Variants in CLYBL observed in about 807,000 individuals in gnomAD.
CLYBL encodes the protein citramalyl-CoA lyase, mitochondrial.
A neutral mutation model predicts 38.9 loss-of-function variants in CLYBL; 31 were observed. That is an observed-to-expected ratio of 0.80 (90% CI 0.60 to 1.08). CLYBL has a LOEUF of 1.08. Among genes scored for constraint, CLYBL ranks in the 50% least tolerant of loss-of-function variants. The pLI is 0.00. For missense variants in CLYBL, 434 were observed against 411.6 expected, an observed-to-expected ratio of 1.05 and a Z score of -0.47; for synonymous variants, 171 against 158.6, an observed-to-expected ratio of 1.08 and a Z score of -0.59.
chr13:99,704,249 A>G (rs2048113097), intron 1 of CLYBL, among the ~76,000 whole-genome samples: 1 of 152,154 alleles, frequency 6.6e-6, no homozygotes, highest in Non-Finnish European at 1.5e-5. Context: ...TAAGGGAAAG[A>G]TTTATTTATA....
chr13:99,736,554 G>T lies in CLYBL; in HGVS notation c.63-36270G>T, dbSNP rs559445214. Among the ~76,000 whole-genome samples the T allele has an allele frequency of 5.6e-4, 85 of 151,974 alleles. 1 individual carries two copies. Among genetic ancestry groups the T allele is most frequent in the Non-Finnish European group, 1.0e-3 (69 of 67,966 alleles). On this transcript the variant is annotated intron_variant, in intron 1 of 8. Transcript: ENST00000339105. The stretch of plus-strand genomic sequence containing the variant: ...GGGAATCCTCTACCTGCATGAAATC[G>T]GCAGGTAAGAGTTAGAAATATGCAT...
intron 7 of CLYBL, among the ~76,000 whole-genome samples, chr13:99,886,652 G>A (rs1322034906): frequency 3.3e-5 from 5 of 152,228 alleles, no homozygotes; most frequent in Admixed American, 6.5e-5. Flanking sequence ...CCACGGCAAC[G>A]CGTGGAGATG....
chr13:99,807,656 CG>C (rs374243502), intron 2 of CLYBL, among the ~76,000 whole-genome samples: 3 of 147,916 alleles, frequency 2.0e-5, no homozygotes, highest in Non-Finnish European at 4.5e-5. Flanking sequence ...TTCCAGGGGC[CG>C]GGGGGGAAGG....
intron 1 of CLYBL, among the ~76,000 whole-genome samples, chr13:99,732,935 A>G (rs2048614766): frequency 6.6e-6 from 1 of 152,196 alleles, no homozygotes; most frequent in Admixed American, 6.5e-5. Flanking sequence ...TGTTTTTCTA[A>G]TTTTTAAAAT....
chr13:99,649,453 A>T (rs901920105), intron 1 of CLYBL, among the ~76,000 whole-genome samples: 2 of 152,224 alleles, frequency 1.3e-5, no homozygotes, highest in East Asian at 1.9e-4. Context: ...AAACAGTTAC[A>T]CAGTTAAGTA....
intron 1 of CLYBL, among the ~76,000 whole-genome samples, chr13:99,757,030 G>C (rs978172857): frequency 6.6e-6 from 1 of 151,902 alleles, no homozygotes; most frequent in Non-Finnish European, 1.5e-5. Flanking sequence ...AGGAGTAGTG[G>C]GGACCATAAG....
At chr13:99,851,186 G>A (rs979382021) in intron 2 of CLYBL, among the ~76,000 whole-genome samples, 4 of 151,942 alleles carry the variant, frequency 2.6e-5, no homozygotes, top group African/African-American at 9.7e-5. Context: ...TGGCCAACAT[G>A]GCGAAACCCT....
At chr13:99,645,537 T>C (rs1449248574) in intron 1 of CLYBL, among the ~76,000 whole-genome samples, 1 of 151,538 alleles carries the variant, frequency 6.6e-6, no homozygotes, top group Non-Finnish European at 1.5e-5. Flanking sequence ...TGGGGTGTGA[T>C]ATCTTACCGT....
chr13:99,789,618 C>G (rs1164398202), intron 2 of CLYBL, among the ~76,000 whole-genome samples: 1 of 152,106 alleles, frequency 6.6e-6, no homozygotes, highest in Non-Finnish European at 1.5e-5. Flanking sequence ...TTACTTCCAA[C>G]TATGTGGTCA....
chr13:99,754,436 AAAAG>A (rs2049017933), intron 1 of CLYBL, among the ~76,000 whole-genome samples: 1 of 149,328 alleles, frequency 6.7e-6, no homozygotes, highest in Non-Finnish European at 1.5e-5. Flanking sequence ...AAAAAAAAAA[AAAAG>A]AGGAGAGATG....
At chr13:99,607,599 C>T (rs2046548312) in intron 1 of CLYBL, among the ~76,000 whole-genome samples, 1 of 152,116 alleles carries the variant, frequency 6.6e-6, no homozygotes, top group Admixed American at 6.5e-5. Flanking sequence ...CCCTTGACCA[C>T]CATGTGAAGA....
At chr13:99,888,711 T>C (rs2052414990) in intron 7 of CLYBL, among the ~76,000 whole-genome samples, 1 of 152,146 alleles carries the variant, frequency 6.6e-6, no homozygotes. Context: ...GTAACACCAC[T>C]GCACTCCAGC....
chr13:99,693,872 C>G (rs1434137998), intron 1 of CLYBL, among the ~76,000 whole-genome samples: 1 of 152,202 alleles, frequency 6.6e-6, no homozygotes, highest in Admixed American at 6.5e-5. Context: ...CCTGTGATTT[C>G]TAACATGTAT....
At chr13:99,645,620 GTCT>G (rs2047166181) in intron 1 of CLYBL, among the ~76,000 whole-genome samples, 1 of 151,736 alleles carries the variant, frequency 6.6e-6, no homozygotes, top group South Asian at 2.1e-4. Context: ...CCATTTGTAT[GTCT>G]TCTTCTGAGA....
intron 1 of CLYBL, among the ~76,000 whole-genome samples, chr13:99,648,916 T>A (rs1235625464): frequency 6.6e-6 from 1 of 152,074 alleles, no homozygotes; most frequent in Non-Finnish European, 1.5e-5. Flanking sequence ...ATATATATAT[T>A]TTTATATTTC....
downstream of CLYBL, chr13:99,893,915 G>C (rs925907492): frequency 3.3e-5 from 5 of 152,540 alleles, no homozygotes; most frequent in African/African-American, 1.2e-4. Flanking sequence ...AAACTGCTTT[G>C]TTCAAACAAA....
intron 2 of CLYBL, among the ~76,000 whole-genome samples, chr13:99,825,232 G>A (rs1056749804): frequency 6.6e-6 from 1 of 152,192 alleles, no homozygotes; most frequent in East Asian, 1.9e-4. Flanking sequence ...AGGGGTGGAA[G>A]ATCCTTGCTT....
rs528592434 is a variant in CLYBL, at chr13:99,638,993, A to G, written c.62+32236A>G. ...AAGCTGGGGCTCTTTCGACAAGGCC[A>G]TGCCCGCCTTGTCTCTTATGTATGC... is the stretch of plus-strand genomic sequence containing the variant. On this transcript the variant is annotated intron_variant, in intron 1 of 8. Coordinates refer to ENST00000339105, the MANE Select transcript of CLYBL (RefSeq NM_206808.5). Among the ~76,000 whole-genome samples the G allele has an allele frequency of 3.3e-5, 5 of 152,312 alleles. No individual in the cohort carries two copies. The South Asian group carries it at 6.2e-4, about 19-fold the overall frequency.
Position 99,806,746 on chromosome 13 carries a change from C to T in CLYBL, c.249+33736C>T, listed in dbSNP as rs554890787. Among the ~76,000 whole-genome samples the T allele has an allele frequency of 1.4e-4, 21 of 152,302 alleles. No homozygotes were observed. In the South Asian group the frequency reaches 3.5e-3, roughly 26 times the overall value. ...TTCACTGTTATTATGTAGAGCCATT[C>T]GTCTGATTTTTCCTCCTCTTACCAT... On this transcript the variant is annotated intron_variant, in intron 2 of 8. Coordinates refer to ENST00000339105, the MANE Select transcript of CLYBL (RefSeq NM_206808.5).
Sources: gnomAD v4.1 joint callset for allele counts (sites outside exome capture counted in the v4.1 genomes callset) on GRCh38, gnomAD v4.1.1 for gene constraint, MANE v1.5 for transcripts, NCBI Gene and HGNC (gene_info 2026-07-23, HGNC 2026-07-21) for gene names.